SORCS3: variants seen among roughly 807,000 people sequenced by gnomAD.
SORCS3 encodes sortilin related VPS10 domain containing receptor 3.
Under a neutral mutation model 146.3 loss-of-function variants are expected in SORCS3, and 57 were observed. The ratio of observed to expected loss-of-function variants is 0.39; its 90% confidence interval spans 0.31 to 0.49. The LOEUF is 0.49. SORCS3 is among the 20% of genes least tolerant of loss of function. The pLI, the probability that SORCS3 is intolerant of heterozygous loss-of-function variation, is 0.92. For synonymous variants in SORCS3, 653 were observed against 618.5 expected (o/e 1.06, Z -0.83); for missense variants, 1,341 against 1,575.5 (o/e 0.85, Z 2.52).
chr10:105,047,778 G>A (rs1477640066), intron 5 of SORCS3, among the ~76,000 whole-genome samples: 1 of 152,062 alleles, frequency 6.6e-6, no homozygotes, highest in Non-Finnish European at 1.5e-5. Context: ...CACACTATGG[G>A]TTTCTAGTGG....
chr10:104,875,845 T>C (rs2018565949), intron 2 of SORCS3, among the ~76,000 whole-genome samples: 1 of 152,150 alleles, frequency 6.6e-6, no homozygotes, highest in Non-Finnish European at 1.5e-5. Flanking sequence ...ACAATGGGTA[T>C]AATTATTTGT....
At chr10:104,696,780 A>G (rs1478727917) in intron 1 of SORCS3, among the ~76,000 whole-genome samples, 1 of 128,682 alleles carries the variant, frequency 7.8e-6, no homozygotes, top group East Asian at 2.1e-4. Context: ...ATATATATAT[A>G]TAATGGAATA....
intron 11 of SORCS3, among the ~76,000 whole-genome samples, chr10:105,159,806 G>A (rs991030): frequency 0.087 from 13,213 of 152,110 alleles, 711 homozygotes; most frequent in Admixed American, 0.16. Flanking sequence ...TACTCTCTAG[G>A]CATGGCTTCC....
intron 9 of SORCS3, among the ~76,000 whole-genome samples, chr10:105,151,788 G>C (rs2056169558): frequency 6.6e-6 from 1 of 151,976 alleles, no homozygotes; most frequent in Non-Finnish European, 1.5e-5. Flanking sequence ...CTGCTGTAGA[G>C]AGATTCTCCT....
At chr10:105,133,477 A>G (rs10884102) in intron 7 of SORCS3, among the ~76,000 whole-genome samples, 73,613 of 152,032 alleles carry the variant, frequency 0.48, 18,369 homozygotes, top group Non-Finnish European at 0.54. Flanking sequence ...TAGAAAGCCC[A>G]GGTTTATATT....
chr10:105,261,156 A>C (rs1484247), intron 25 of SORCS3, among the ~76,000 whole-genome samples: 48,303 of 152,096 alleles, frequency 0.32, 9,541 homozygotes, highest in East Asian at 0.69. Flanking sequence ...ACAAGTCAAT[A>C]AACATTGCCT....
At chr10:104,642,022 G>GGGGGGGGGGGGGGGGGGGCCCCCC in intron 1 of SORCS3, 68 bp downstream of exon 1, 10 of 173,326 alleles carry the variant, frequency 5.8e-5, no homozygotes, top group East Asian at 1.5e-4. Context: ...GGGTGGGTGG[G>GGGGGGGGGGGGGGGGGGGCCCCCC]AGCGAGGGAC....
intron 20 of SORCS3, among the ~76,000 whole-genome samples, chr10:105,235,436 CTGTGTGTGTGTGTGTGTGTG>C (rs5787570): frequency 1.4e-5 from 2 of 141,234 alleles, no homozygotes; most frequent in Non-Finnish European, 3.1e-5. Flanking sequence ...AACTCTCAGA[CTGTGTGTGTGTGTGTGTGTG>C]TGTGTGTGTG....
chr10:105,254,088 G>A (rs575204186), intron 23 of SORCS3, among the ~76,000 whole-genome samples: 10 of 152,336 alleles, frequency 6.6e-5, no homozygotes, highest in African/African-American at 2.4e-4. Context: ...TGATTAAATC[G>A]ATGTTATGTG....
chr10:104,935,644 A>G (rs1021652946), intron 3 of SORCS3, among the ~76,000 whole-genome samples: 1 of 151,774 alleles, frequency 6.6e-6, no homozygotes, highest in African/African-American at 2.4e-5. Context: ...ACAAGAGGAA[A>G]GAGGCACTGA....
intron 1 of SORCS3, among the ~76,000 whole-genome samples, chr10:104,673,712 A>G (rs1173168991): frequency 6.6e-6 from 1 of 152,004 alleles, no homozygotes; most frequent in Non-Finnish European, 1.5e-5. Context: ...TTGGCCTCCT[A>G]TAGTGTTGAG....
At chr10:105,073,781 G>C (rs546651295) in intron 5 of SORCS3, among the ~76,000 whole-genome samples, 1 of 152,096 alleles carries the variant, frequency 6.6e-6, no homozygotes, top group Non-Finnish European at 1.5e-5. Context: ...AGAATTACTC[G>C]TGTCACAGTT....
intron 2 of SORCS3, among the ~76,000 whole-genome samples, chr10:104,900,234 A>G (rs1564709096): frequency 6.6e-6 from 1 of 152,138 alleles, no homozygotes; most frequent in African/African-American, 2.4e-5. Context: ...GGTTTCTGTC[A>G]GTGATAACAG....
intron 2 of SORCS3, among the ~76,000 whole-genome samples, chr10:104,876,892 G>C (rs1427947480): frequency 1.4e-5 from 2 of 146,484 alleles, no homozygotes; most frequent in African/African-American, 5.1e-5. Context: ...ATGTTGCTTT[G>C]TCACTCAGGG....
chr10:104,824,718 C>T (rs138211390), intron 1 of SORCS3, among the ~76,000 whole-genome samples: 15 of 152,290 alleles, frequency 9.8e-5, no homozygotes, highest in African/African-American at 2.4e-4. Flanking sequence ...TGCCCTCATC[C>T]GAAGCAGCTG....
At chr10:104,995,164 C>CTTT (rs34446072) in intron 4 of SORCS3, among the ~76,000 whole-genome samples, 11 of 137,332 alleles carry the variant, frequency 8.0e-5, no homozygotes, top group African/African-American at 2.2e-4. Context: ...CTTTCTTTCT[C>CTTT]TTTTTTTTTT....
chr10:105,176,246 A>G (rs895292918), intron 13 of SORCS3, among the ~76,000 whole-genome samples: 10 of 152,138 alleles, frequency 6.6e-5, no homozygotes, highest in African/African-American at 1.9e-4. Context: ...TGACCTAAAA[A>G]AAATACTCCC....
intron 7 of SORCS3, among the ~76,000 whole-genome samples, chr10:105,132,897 A>G (rs2056031801): frequency 6.6e-6 from 1 of 152,216 alleles, no homozygotes; most frequent in Non-Finnish European, 1.5e-5. Flanking sequence ...GAAAAGTGGT[A>G]ATAATCTTTG....
At chr10:105,034,734 A>G (rs1272904027) in intron 4 of SORCS3, among the ~76,000 whole-genome samples, 1 of 152,214 alleles carries the variant, frequency 6.6e-6, no homozygotes, top group Non-Finnish European at 1.5e-5. Context: ...CTGAAGAATC[A>G]TACAAAGCCA....
Sources: gnomAD v4.1 joint callset for allele counts (sites outside exome capture counted in the v4.1 genomes callset) on GRCh38, gnomAD v4.1.1 for gene constraint, MANE v1.5 for transcripts, NCBI Gene and HGNC (gene_info 2026-07-23, HGNC 2026-07-21) for gene names.